The following TRMT11 variants were observed in gnomAD, a reference collection of about 807,000 sequenced individuals.
The protein encoded by TRMT11 is tRNA methyltransferase 11.
A neutral mutation model predicts 62.8 loss-of-function variants in TRMT11; 53 were observed. The observed-to-expected ratio is 0.84, with a 90% confidence interval of 0.68 to 1.06. The LOEUF is 1.06. Among genes scored for constraint, TRMT11 ranks in the 50% least tolerant of loss-of-function variants. The probability of loss-of-function intolerance (pLI) is 0.00; values close to 1 mark genes in which losing one functional copy is unlikely to be tolerated. For missense variants in TRMT11, 556 were observed against 553.4 expected, an observed-to-expected ratio of 1.00 and a Z score of -0.05; for synonymous variants, 188 against 190.3, an observed-to-expected ratio of 0.99 and a Z score of 0.10.
At chr6:126,220,120 A>G in the TRMT11 span, among the ~76,000 whole-genome samples, 1 of 152,206 alleles carries the variant, frequency 6.6e-6, no homozygotes. Flanking sequence ...ATGATGGAGA[A>G]TCATGTCCCA....
chr6:126,036,872 A>G (rs1775291070), intron 12 of TRMT11, among the ~76,000 whole-genome samples: 1 of 152,102 alleles, frequency 6.6e-6, no homozygotes, highest in African/African-American at 2.4e-5. Context: ...CAGTCCTGAT[A>G]TGTGGACCAG....
chr6:126,062,740 T>C (rs1776572303), intron 17 of TRMT11, among the ~76,000 whole-genome samples: 1 of 152,220 alleles, frequency 6.6e-6, no homozygotes, highest in Non-Finnish European at 1.5e-5. Flanking sequence ...GGCATAAAAA[T>C]TCACACATCT....
At chr6:126,217,906 C>T in the TRMT11 span, among the ~76,000 whole-genome samples, 1 of 152,110 alleles carries the variant, frequency 6.6e-6, no homozygotes. Context: ...AGTCAGAAGC[C>T]TTAGGAATCT....
chr6:126,178,653 G>A (rs541687734), intron 1 of TRMT11, among the ~76,000 whole-genome samples: 2 of 152,212 alleles, frequency 1.3e-5, no homozygotes, highest in East Asian at 1.9e-4. Flanking sequence ...TATGTATAGC[G>A]CATGTTTCCT....
At chr6:126,256,290 T>C in the TRMT11 span, among the ~76,000 whole-genome samples, 3 of 152,232 alleles carry the variant, frequency 2.0e-5, no homozygotes, top group African/African-American at 7.2e-5. Context: ...TTTTACAGTA[T>C]TCTGAAGATT....
chr6:126,185,909 ATGAGAACAG>A (rs1263220365), intron 1 of TRMT11, among the ~76,000 whole-genome samples: 1 of 152,150 alleles, frequency 6.6e-6, no homozygotes, highest in African/African-American at 2.4e-5. Context: ...ACTTACTAAC[ATGAGAACAG>A]CATGGGGAAA....
intron 12 of TRMT11, 102 bp downstream of exon 12, chr6:126,021,382 T>C (rs1795786135): frequency 1.5e-6 from 2 of 1,377,950 alleles, no homozygotes; most frequent in Non-Finnish European, 2.0e-6. Flanking sequence ...TATTCCTTGA[T>C]ATTTTAAAAA....
chr6:126,204,538 C>T (rs1038508669), downstream of TRMT11, among the ~76,000 whole-genome samples: 2 of 152,190 alleles, frequency 1.3e-5, no homozygotes, highest in African/African-American at 2.4e-5. Flanking sequence ...CTTCAGAGGG[C>T]AGCAGCAAGG....
chr6:126,146,284 A>C (rs911188649), intron 21 of TRMT11, among the ~76,000 whole-genome samples: 3 of 152,316 alleles, frequency 2.0e-5, no homozygotes, highest in South Asian at 4.2e-4. Context: ...TTCCAGCAGA[A>C]GTTGCCTAGC....
intron 17 of TRMT11, among the ~76,000 whole-genome samples, chr6:126,092,853 T>C (rs1777293195): frequency 6.6e-6 from 1 of 152,230 alleles, no homozygotes; most frequent in Non-Finnish European, 1.5e-5. Flanking sequence ...CACCAATAAG[T>C]AAATGTGATA....
intron 17 of TRMT11, among the ~76,000 whole-genome samples, chr6:126,081,803 T>G (rs1320676117): frequency 6.6e-6 from 1 of 152,118 alleles, no homozygotes; most frequent in Non-Finnish European, 1.5e-5. Flanking sequence ...CCCTAACACC[T>G]GGGCCTTATG....
chr6:126,232,125 G>A, the TRMT11 span, among the ~76,000 whole-genome samples: 1 of 151,882 alleles, frequency 6.6e-6, no homozygotes, highest in Admixed American at 6.6e-5. Flanking sequence ...AACAAAATAT[G>A]TATTACTGAG....
At chr6:126,132,191 T>C (rs1777793207) in intron 21 of TRMT11, among the ~76,000 whole-genome samples, 1 of 152,096 alleles carries the variant, frequency 6.6e-6, no homozygotes, top group Non-Finnish European at 1.5e-5. Context: ...CCTCATTGCC[T>C]GTAGAGTTTA....
chr6:126,246,168 C>T, the TRMT11 span, among the ~76,000 whole-genome samples: 8 of 151,846 alleles, frequency 5.3e-5, no homozygotes, highest in Admixed American at 2.0e-4. Flanking sequence ...CCCAGCTTGA[C>T]CCCAGGAGAT....
At chr6:126,188,159 A>C (rs992561292) in intron 1 of TRMT11, among the ~76,000 whole-genome samples, 1 of 152,000 alleles carries the variant, frequency 6.6e-6, no homozygotes, top group Non-Finnish European at 1.5e-5. Context: ...AGATATCATC[A>C]ACCCCCCATA....
intron 12 of TRMT11, among the ~76,000 whole-genome samples, chr6:126,038,252 G>C (rs1775540261): frequency 6.6e-6 from 1 of 151,890 alleles, no homozygotes; most frequent in Admixed American, 6.6e-5. Context: ...ACAATTTTGT[G>C]TGTCTGTATG....
At chr6:126,092,543 C>G (rs575476368) in intron 17 of TRMT11, among the ~76,000 whole-genome samples, 5 of 152,178 alleles carry the variant, frequency 3.3e-5, no homozygotes, top group Non-Finnish European at 7.3e-5. Flanking sequence ...ATGGGAGCTA[C>G]AATTCAAGAT....
intron 21 of TRMT11, among the ~76,000 whole-genome samples, chr6:126,138,061 A>T (rs926143873): frequency 5.5e-4 from 84 of 151,948 alleles, no homozygotes; most frequent in African/African-American, 2.0e-3. Flanking sequence ...TAGGAAAATT[A>T]TAGTTAACAA....
At chr6:126,016,911 T>C (rs1028847583) in intron 11 of TRMT11, among the ~76,000 whole-genome samples, 2 of 152,172 alleles carry the variant, frequency 1.3e-5, no homozygotes, top group African/African-American at 4.8e-5. Context: ...TTATTAATAG[T>C]GAACTAAATT....
Sources: allele counts gnomAD v4.1 joint callset (sites outside exome capture counted in the v4.1 genomes callset), GRCh38; gene constraint gnomAD v4.1.1; transcripts MANE v1.5; gene names NCBI Gene and HGNC (gene_info 2026-07-23, HGNC 2026-07-21).